Variants in PCSK4 observed in about 807,000 individuals in gnomAD.
The protein encoded by PCSK4 is testicular tissue protein Li 135.
PCSK4 carries 64 observed loss-of-function variants against 80.3 expected under a neutral mutation model. The observed-to-expected ratio is 0.80, with a 90% CI of 0.65 to 0.98. The LOEUF (loss-of-function observed/expected upper bound fraction) is 0.98, where lower values mean the gene tolerates loss of function less well. PCSK4 is among the 50% of genes least tolerant of loss of function. PCSK4 has a pLI of 0.00. For missense variants in PCSK4, 1,213 were observed against 1,093.6 expected (o/e 1.11, Z -1.54); for synonymous variants, 561 against 487.6 (o/e 1.15, Z -1.98).
chr19:1,488,253 G>A lies in PCSK4; in HGVS notation c.322C>T (p.Gln108Ter), dbSNP rs756039179. The change falls in exon 3 of 15, where the codon CAG becomes TAG. Residue 108 changes from glutamine (Q) to a stop codon, truncating the protein, a stop_gained. Coordinates refer to ENST00000300954, the Ensembl canonical transcript of PCSK4. LOFTEE classifies it high-confidence loss of function. ...ACGACAGAGCGTTTCACCCGCCGCT[G>A]CAGCGTCTGCTGCTGGAACCACTGC... The A allele has an allele frequency of 6.2e-7, 1 of 1,613,332 alleles. No individual in the cohort carries two copies. The highest frequency in any genetic ancestry group is 8.5e-7 in the Non-Finnish European group (1 of 1,179,842).
chr19:1,487,195 C>T (rs754788014), exon 7 of PCSK4: 17 of 1,608,048 alleles, frequency 1.1e-5, no homozygotes, highest in East Asian at 6.7e-5. Flanking sequence ...GGCCGTCCAC[C>T]GTGCGGCCGT....
chr19:1,481,620 T>C (rs1428278553), exon 15 of PCSK4: 1 of 536,168 alleles, frequency 1.9e-6, no homozygotes, highest in Non-Finnish European at 3.2e-6. Context: ...GGCTTCGGGG[T>C]TCCACGGGGC....
chr19:1,484,202 G>T, intron 8 of PCSK4, 75 bp from the exon 9 acceptor site: 1 of 857,162 alleles, frequency 1.2e-6, no homozygotes, highest in South Asian at 1.5e-5. Flanking sequence ...AAGTACCAAG[G>T]ACTGGGCGGG....
exon 8 of PCSK4, chr19:1,486,890 G>A: frequency 1.2e-6 from 2 of 1,600,568 alleles, no homozygotes; most frequent in Non-Finnish European, 1.7e-6. Context: ...GCTGTAGGTG[G>A]TGGTGAGGGT....
rs748868951 is a variant in PCSK4 at position 1,487,138 on chromosome 19, C to T, written c.855+3G>A. ...CCCCTGCCCTCCTCGGGCTGCCACTCACCTTGGTCACACCACGCCGGAAGG... is the reference window on the plus strand; with the variant it reads ...CCCCTGCCCTCCTCGGGCTGCCACTTACCTTGGTCACACCACGCCGGAAGG... On this transcript the variant is annotated splice_donor_region_variant and intron_variant, in intron 7 of 14. Coordinates refer to ENST00000300954, the Ensembl canonical transcript of PCSK4. 20 of 1,603,814 alleles carry T rather than the reference C, an allele frequency of 1.2e-5. No homozygotes were observed. The East Asian group carries it at 4.5e-4, about 36-fold the overall frequency.
chr19:1,490,050 G>T (rs927524514), intron 1 of PCSK4, 108 bp downstream of exon 1: 24 of 1,524,472 alleles, frequency 1.6e-5, no homozygotes, highest in African/African-American at 2.8e-5. Context: ...GGTGGGCTGG[G>T]ACTCTTGATA....
Position 1,488,432 on chromosome 19 carries a change from G to A in PCSK4, c.295-152C>T, listed in dbSNP as rs531373580. ...TGTGCCTGGGGCTCTGTCTGCAGTC[G>A]GAAGGGGTCGAGGCTTTTGGACCAC... On this transcript the variant is annotated intron_variant, in intron 2 of 14. Coordinates refer to ENST00000300954, the Ensembl canonical transcript of PCSK4. 7.3e-4 allele frequency: 459 copies of A among 627,990 alleles called. 6 individuals are homozygous for A. Among genetic ancestry groups the A allele is most frequent in the South Asian group, 6.9e-3 (364 of 52,702 alleles). The allele number at this position is 627,990 out of a possible 1,614,324, so 38.9% of individuals were successfully genotyped here.
At chr19:1,488,310 C>T (rs1230736670) in intron 2 of PCSK4, 30 bp from the exon 3 acceptor site, 1 of 1,563,802 alleles carries the variant, frequency 6.4e-7, no homozygotes, top group Non-Finnish European at 8.7e-7. Context: ...TCAGGCCTGT[C>T]CCCTGCTCGC....
chr19:1,487,884 G>A (rs751472913), intron 4 of PCSK4, 23 bp from the exon 5 acceptor site: 2 of 1,556,128 alleles, frequency 1.3e-6, no homozygotes, highest in Non-Finnish European at 1.7e-6. Context: ...GGGGATATGA[G>A]GGGGCCGGGA....
chr19:1,483,032 G>T lies in PCSK4; in HGVS notation c.1572-12C>A. 6.6e-7 allele frequency: 1 copy of T among 1,504,318 alleles called. No individual in the cohort carries two copies. The highest frequency in any genetic ancestry group is 2.3e-5 in the East Asian group (1 of 42,740). 93.2% of individuals were successfully genotyped at this position (1,504,318 alleles called of 1,614,324 possible). Reference sequence around the variant, plus strand: ...TGACGTCCAAGGGTCTGGGACAGAAGGGTGGGTGGGGGTGGGGGTGTCAAG... The same window carrying T: ...TGACGTCCAAGGGTCTGGGACAGAATGGTGGGTGGGGGTGGGGGTGTCAAG... On this transcript the variant is annotated splice_polypyrimidine_tract_variant and intron_variant, in intron 12 of 14. Transcript: ENST00000300954.
chr19:1,490,316 G>A, exon 1 of PCSK4: 2 of 1,460,232 alleles, frequency 1.4e-6, no homozygotes, highest in Non-Finnish European at 1.9e-6. Context: ...AAGACCAGGC[G>A]CAGCCACAGC....
intron 8 of PCSK4, 47 bp downstream of exon 8, chr19:1,486,806 G>T: frequency 2.0e-6 from 3 of 1,488,624 alleles, no homozygotes; most frequent in Non-Finnish European, 2.7e-6. Context: ...GCCAGGCTGG[G>T]ATGGCAGGGC....
chr19:1,483,077 C>A, intron 12 of PCSK4, 57 bp from the exon 13 acceptor site: 3 of 1,457,868 alleles, frequency 2.1e-6, no homozygotes, highest in Non-Finnish European at 2.7e-6. Context: ...TTTGTGAAGC[C>A]GGCAGAGCCC....
At chr19:1,483,170 G>A (rs1257606013) in intron 12 of PCSK4, 114 bp downstream of exon 12, 1 of 1,279,542 alleles carries the variant, frequency 7.8e-7, no homozygotes, top group Non-Finnish European at 1.1e-6. Flanking sequence ...CCACCAACTA[G>A]GCTGCCGTGT....
chr19:1,489,571 A>G (rs2084829277), intron 2 of PCSK4: 3 of 721,228 alleles, frequency 4.2e-6, no homozygotes, highest in Non-Finnish European at 6.5e-6. Context: ...GAGGGGGAGG[A>G]CAAGAGGTGC....
In PCSK4 at chr19:1,487,863, T is replaced by C; in HGVS notation, c.517-2A>G. On this transcript the variant is annotated splice_acceptor_variant, in intron 4 of 14. Transcript: ENST00000300954. LOFTEE classifies it high-confidence loss of function. ...GAAGTCATAGCTGGCCAGGGGGTCCTGGGGGCAGGTGGGGATATGAGGGGG... is the reference window on the plus strand; with the variant it reads ...GAAGTCATAGCTGGCCAGGGGGTCCCGGGGGCAGGTGGGGATATGAGGGGG... The C allele has an allele frequency of 1.3e-6, 2 of 1,508,290 alleles. No homozygotes were observed. The highest frequency in any genetic ancestry group is 1.8e-6 in the Non-Finnish European group (2 of 1,117,834). 93.4% of individuals were successfully genotyped at this position (1,508,290 alleles called of 1,614,324 possible).
In PCSK4 at chr19:1,487,411, T is replaced by C. The variant is rs2084687180; in HGVS notation, c.683-98A>G. Reference sequence around the variant, plus strand: ...CTCCACACCACTCCCCAGCCCTACCTGGGCCCTCTCTCTGCTCCCTGGAGT... The same window carrying C: ...CTCCACACCACTCCCCAGCCCTACCCGGGCCCTCTCTCTGCTCCCTGGAGT... On this transcript the variant is annotated intron_variant, in intron 6 of 14. Transcript: ENST00000300954. The C allele has an allele frequency of 1.5e-5, 16 of 1,045,558 alleles. No individual in the cohort carries two copies. The South Asian group carries it at 2.4e-4, about 16-fold the overall frequency. 64.8% of individuals were successfully genotyped at this position (1,045,558 alleles called of 1,614,324 possible).
At chr19:1,488,379 T>C in intron 2 of PCSK4, 99 bp from the exon 3 acceptor site, 1 of 860,036 alleles carries the variant, frequency 1.2e-6, no homozygotes, top group Non-Finnish European at 1.9e-6. Flanking sequence ...GACCCTGTGT[T>C]TGTGGGGGTT....
exon 4 of PCSK4, chr19:1,487,995 TCGATGCCATCGTCCAGCACAGAGACCA>T (rs1264617654): frequency 2.5e-6 from 4 of 1,613,144 alleles, no homozygotes; most frequent in Non-Finnish European, 3.4e-6. Context: ...GTGGTCCTTC[TCGATGCCATCGTCCAGCACAGAGACCA>T]CGATGCCCTG....
Sources: allele counts gnomAD v4.1 joint callset, GRCh38; gene constraint gnomAD v4.1.1; transcripts MANE v1.5; gene names NCBI Gene and HGNC (gene_info 2026-07-23, HGNC 2026-07-21).